WT1: variants seen among roughly 807,000 people sequenced by gnomAD.
The protein encoded by WT1 is WT1 transcription factor.
In WT1, 8 loss-of-function variants were observed where a neutral mutation model predicts 60.8. The observed-to-expected ratio is 0.13, with a 90% confidence interval of 0.08 to 0.24. WT1 has a LOEUF of 0.24. Ranked by LOEUF, WT1 falls within the 10% of genes least tolerant of loss-of-function variation. The probability of loss-of-function intolerance (pLI) is 1.00; values close to 1 mark genes in which losing one functional copy is unlikely to be tolerated. For synonymous variants in WT1, 312 were observed against 297.1 expected (o/e 1.05, Z -0.52); for missense variants, 568 against 711.8 (o/e 0.80, Z 2.30).
In WT1 at chr11:32,434,890, G is replaced by C. The variant is rs753238865; in HGVS notation, c.471C>G (p.His157Gln). 1 of 1,611,928 alleles carries C rather than the reference G, an allele frequency of 6.2e-7. No individual in the cohort carries two copies. Among genetic ancestry groups the C allele is most frequent in the South Asian group, 1.1e-5 (1 of 90,974 alleles). ...TGAAGGCGCTCAGGCACTGCTCCTC[G>C]TGCGGCTCCGCGCCGCCCCAGCTCG... Residue 157 changes from histidine (H) to glutamine (Q), a missense_variant, in exon 1 of 10, where the codon CAC becomes CAG. Physicochemically the swap from His to Gln is conservative, Grantham distance 24. Coordinates refer to ENST00000452863, the MANE Select transcript of WT1 (RefSeq NM_024426.6).
chr11:32,408,267 C>T (rs1166537669), intron 5 of WT1, among the ~76,000 whole-genome samples: 1 of 150,470 alleles, frequency 6.6e-6, no homozygotes, highest in East Asian at 1.9e-4. Flanking sequence ...AATCCCAGCA[C>T]TTTGGGAGGC....
Position 32,415,874 on chromosome 11 carries a change from G to A in WT1, c.1016+616C>T, listed in dbSNP as rs758611625. 4.7e-4 allele frequency among the ~76,000 whole-genome samples: 71 copies of A among 152,142 alleles called. No individual in the cohort carries two copies. In the Middle Eastern group the frequency reaches 0.017, roughly 36 times the overall value. ...ATGAAATACAACTCTGTTGATTACTGAAGGATGAACCAAATAACAGGACTG... is the reference window on the plus strand; with the variant it reads ...ATGAAATACAACTCTGTTGATTACTAAAGGATGAACCAAATAACAGGACTG... On this transcript the variant is annotated intron_variant, in intron 5 of 9. Transcript: ENST00000452863.
At chr11:32,424,737 G>C (rs1342983773) in intron 3 of WT1, among the ~76,000 whole-genome samples, 1 of 152,196 alleles carries the variant, frequency 6.6e-6, no homozygotes, top group African/African-American at 2.4e-5. Flanking sequence ...TGTCACCTGA[G>C]AGAAAGGAGG....
intron 1 of WT1, among the ~76,000 whole-genome samples, chr11:32,433,035 C>A (rs908093468): frequency 6.6e-6 from 1 of 152,146 alleles, no homozygotes; most frequent in South Asian, 2.1e-4. Flanking sequence ...TGGTGGGTAG[C>A]GCTTCTGCAT....
intron 5 of WT1, among the ~76,000 whole-genome samples, chr11:32,401,123 T>C (rs930504067): frequency 5.3e-5 from 8 of 152,224 alleles, no homozygotes; most frequent in Non-Finnish European, 8.8e-5. Flanking sequence ...AACTGATGAA[T>C]AGATAAATCA....
At chr11:32,414,409 G>T (rs1190624893) in intron 5 of WT1, among the ~76,000 whole-genome samples, 3 of 151,996 alleles carry the variant, frequency 2.0e-5, no homozygotes, top group African/African-American at 7.2e-5. Flanking sequence ...AGTAGCTGGG[G>T]TTACAGGCAT....
In WT1 at chr11:32,392,658, C is replaced by T. The variant is rs2132919192; in HGVS notation, c.1354+8G>A. Reference sequence around the variant, plus strand: ...CAGCTGCCAGCAATGAGAAGTGAACCTACAAACCTGTATGTCTCCTTTGGT... The same window carrying T: ...CAGCTGCCAGCAATGAGAAGTGAACTTACAAACCTGTATGTCTCCTTTGGT... On this transcript the variant is annotated splice_region_variant and intron_variant, in intron 8 of 9. Coordinates refer to ENST00000452863, the MANE Select transcript of WT1 (RefSeq NM_024426.6). 1.2e-6 allele frequency: 2 copies of T among 1,613,868 alleles called. No homozygotes were observed. Among genetic ancestry groups the T allele is most frequent in the Non-Finnish European group, 1.7e-6 (2 of 1,179,798 alleles).
At chr11:32,408,902 G>T (rs1474981392) in intron 5 of WT1, among the ~76,000 whole-genome samples, 1 of 152,102 alleles carries the variant, frequency 6.6e-6, no homozygotes, top group Non-Finnish European at 1.5e-5. Flanking sequence ...ACCACAGATT[G>T]CTGGACTTGA....
At chr11:32,399,850 G>C in intron 6 of WT1, 98 bp downstream of exon 6, 1 of 1,321,350 alleles carries the variant, frequency 7.6e-7, no homozygotes, top group East Asian at 2.4e-5. Context: ...AGAAGAGGCT[G>C]CCAGGGCCAA....
At chr11:32,418,454 T>G (rs1211877258) in intron 3 of WT1, among the ~76,000 whole-genome samples, 1 of 152,166 alleles carries the variant, frequency 6.6e-6, no homozygotes, top group African/African-American at 2.4e-5. Flanking sequence ...AGGAATAAAT[T>G]TATGCCTGAA....
intron 3 of WT1, among the ~76,000 whole-genome samples, chr11:32,418,465 C>T (rs1257162781): frequency 6.6e-6 from 1 of 152,166 alleles, no homozygotes; most frequent in East Asian, 1.9e-4. Flanking sequence ...TATGCCTGAA[C>T]TGAAATGGTT....
chr11:32,397,855 T>C (rs1852019622), intron 6 of WT1, among the ~76,000 whole-genome samples: 1 of 152,322 alleles, frequency 6.6e-6, no homozygotes, highest in Admixed American at 6.5e-5. Flanking sequence ...TAAAATTAAA[T>C]GGTGAGCCAG....
intron 1 of WT1, 87 bp from the exon 2 acceptor site, chr11:32,428,706 GT>G (rs1285120214): frequency 6.5e-7 from 1 of 1,545,110 alleles, no homozygotes; most frequent in Non-Finnish European, 8.7e-7. Flanking sequence ...GGCGGGGGGG[GT>G]GTGCGCTGAA....
chr11:32,427,935 C>G (rs534585222), intron 3 of WT1, 21 bp downstream of exon 3: 5 of 1,598,394 alleles, frequency 3.1e-6, no homozygotes, highest in Admixed American at 1.7e-5. Flanking sequence ...GACCCAGACG[C>G]AGAGCCCAGC....
intron 6 of WT1, 60 bp downstream of exon 6, chr11:32,399,888 C>T (rs368534044): frequency 6.3e-7 from 1 of 1,575,768 alleles, no homozygotes. Flanking sequence ...AACTAAAGGG[C>T]CGGTAAGTAG....
chr11:32,391,577 T>C (rs998080403), intron 9 of WT1, among the ~76,000 whole-genome samples: 1 of 152,230 alleles, frequency 6.6e-6, no homozygotes, highest in Non-Finnish European at 1.5e-5. Flanking sequence ...CTGAAAATAG[T>C]GCCATTAAAC....
chr11:32,398,701 T>C (rs1030496099), intron 6 of WT1, among the ~76,000 whole-genome samples: 3 of 151,904 alleles, frequency 2.0e-5, no homozygotes, highest in African/African-American at 7.3e-5. Flanking sequence ...ATCCATGAAA[T>C]GGAGAGAATA....
intron 5 of WT1, among the ~76,000 whole-genome samples, chr11:32,404,397 C>G (rs1852250319): frequency 6.6e-6 from 1 of 151,788 alleles, no homozygotes; most frequent in Non-Finnish European, 1.5e-5. Context: ...ATTTATGAGT[C>G]CTTGGCCAAG....
chr11:32,413,952 T>C (rs1320328908), intron 5 of WT1, among the ~76,000 whole-genome samples: 3 of 152,138 alleles, frequency 2.0e-5, no homozygotes, highest in African/African-American at 7.2e-5. Context: ...AGCTAAAAAA[T>C]TGGATGTGGC....
Sources: gnomAD v4.1 joint callset for allele counts (sites outside exome capture counted in the v4.1 genomes callset) on GRCh38, gnomAD v4.1.1 for gene constraint, MANE v1.5 for transcripts, NCBI Gene and HGNC (gene_info 2026-07-23, HGNC 2026-07-21) for gene names.